The following ZNF425 variants were observed in gnomAD, a reference collection of about 807,000 sequenced individuals.
The protein encoded by ZNF425 is zinc finger protein 425.
In ZNF425, 21 loss-of-function variants were observed where a neutral mutation model predicts 17.0. That is an observed-to-expected ratio of 1.23 (90% CI 0.88 to 1.78). ZNF425 has a LOEUF of 1.78. Ranked by LOEUF, ZNF425 falls within the 40% of genes most tolerant of loss-of-function variation. The pLI is 0.00. For synonymous variants in ZNF425, 433 were observed against 384.1 expected (o/e 1.13, Z -1.49); for missense variants, 868 against 967.3 (o/e 0.90, Z 1.36).
At chr7:149,105,837 A>G (rs955007721) in intron 3 of ZNF425, among the ~76,000 whole-genome samples, 1 of 151,360 alleles carries the variant, frequency 6.6e-6, no homozygotes, top group Admixed American at 6.6e-5. Context: ...TTTTTAGTAG[A>G]GACGGGGTTT....
intron 3 of ZNF425, among the ~76,000 whole-genome samples, chr7:149,111,172 A>C (rs1826168572): frequency 6.6e-6 from 1 of 151,464 alleles, no homozygotes; most frequent in Non-Finnish European, 1.5e-5. Context: ...TCACCACACC[A>C]GGCATGGTGG....
At position 149,103,520 on chromosome 7, in the gene ZNF425, A is replaced by G. The variant is rs1027216273; in HGVS notation, c.*92T>C. 2 of 1,460,688 alleles carry G rather than the reference A, an allele frequency of 1.4e-6. No homozygotes were observed. The highest frequency in any genetic ancestry group is 2.8e-5 in the African/African-American group (2 of 70,488). 90.5% of individuals were successfully genotyped at this position (1,460,688 alleles called of 1,614,324 possible). A position where few individuals can be genotyped will look rare whatever the true frequency, so the allele number is the denominator to read the frequency against. ...GGCGGGAGCCACTGTGCCCGATCTT[A>G]CCCTGTGAATCCTTCAACCTGCCTC... On this transcript the variant is annotated 3_prime_UTR_variant, in exon 4 of 4. Coordinates refer to ENST00000378061, the MANE Select transcript of ZNF425 (RefSeq NM_001001661.3).
At chr7:149,106,071 C>T (rs1474251778) in intron 3 of ZNF425, among the ~76,000 whole-genome samples, 2 of 150,888 alleles carry the variant, frequency 1.3e-5, no homozygotes, top group African/African-American at 4.9e-5. Flanking sequence ...TTCTCTGCCT[C>T]AGCCTCCTGA....
In ZNF425 at chr7:149,104,211, A is replaced by G; in HGVS notation, c.1660T>C (p.Phe554Leu). ...HTRLHSGEEPFQCPECDKSFS... is the reference protein window; with the variant it reads ...HTRLHSGEEPLQCPECDKSFS... ...CTCTTGTCGCACTCGGGACACTGGA[A>G]GGGCTCCTCGCCACTGTGAAGCCTC... The change falls in exon 4 of 4, where the codon TTC (phenylalanine) becomes CTC (leucine). Residue 554 changes from phenylalanine to leucine, a missense_variant. Coordinates refer to ENST00000378061, the MANE Select transcript of ZNF425 (RefSeq NM_001001661.3). The surrounding 1 kb of genome is among the most constrained non-coding windows in gnomAD (Gnocchi z 4.3). The G allele has an allele frequency of 6.2e-7, 1 of 1,612,680 alleles. No individual in the cohort carries two copies. The highest frequency in any genetic ancestry group is 8.5e-7 in the Non-Finnish European group (1 of 1,179,160).
At position 149,104,330 on chromosome 7, in the gene ZNF425, G is replaced by C; in HGVS notation, c.1541C>G (p.Thr514Arg). Residue 514 changes from threonine (T) to arginine (R), a missense_variant, in exon 4 of 4, where the codon ACG becomes AGG. Transcript: ENST00000378061. This position sits in a 1 kb window ranked among gnomAD's most constrained non-coding sequence, Gnocchi z 4.3. ...CGTGGTGTGGACCTTCAGGTGCTGCGTGAGCCGCGACTGCTGAGAAAAGGT... is the reference window on the plus strand; with the variant it reads ...CGTGGTGTGGACCTTCAGGTGCTGCCTGAGCCGCGACTGCTGAGAAAAGGT... ...KKTFSQQSRL[T>R]QHLKVHTTEK... is the part of the protein sequence containing the mutation. 1.9e-6 allele frequency: 3 copies of C among 1,613,218 alleles called. No individual in the cohort carries two copies. Among genetic ancestry groups the C allele is most frequent in the Non-Finnish European group, 2.5e-6 (3 of 1,179,970 alleles).
intron 2 of ZNF425, among the ~76,000 whole-genome samples, chr7:149,117,642 CTTTTTTT>C (rs869026303): frequency 3.3e-4 from 18 of 54,982 alleles, no homozygotes; most frequent in Middle Eastern, 0.015. Flanking sequence ...CTTAGTAATT[CTTTTTTT>C]TTTTTTTTTT....
At chr7:149,106,824 G>C in intron 3 of ZNF425, among the ~76,000 whole-genome samples, 1 of 151,970 alleles carries the variant, frequency 6.6e-6, no homozygotes, top group South Asian at 2.1e-4. Context: ...TATTTAAAGA[G>C]GTGGCCAGGC....
chr7:149,112,085 A>C lies in ZNF425; in HGVS notation c.304+52T>G, dbSNP rs372346100. On this transcript the variant is annotated intron_variant, in intron 3 of 3. Transcript: ENST00000378061. ...GATATCCAAAAAGAAAGATTCAGGA[A>C]ACAAGGCTAGGAAAATAAAATAATT... is the stretch of plus-strand genomic sequence containing the variant. 3.2e-6 allele frequency: 5 copies of C among 1,562,196 alleles called. No homozygotes were observed. In the African/African-American group the frequency reaches 6.8e-5, roughly 21 times the overall value.
At chr7:149,118,673 G>A in intron 1 of ZNF425, 1 of 411,450 alleles carries the variant, frequency 2.4e-6, no homozygotes. Flanking sequence ...AAATTAGCTG[G>A]GCGTGATGGC....
chr7:149,124,083 G>A (rs1412353802), intron 1 of ZNF425, among the ~76,000 whole-genome samples: 27 of 130,766 alleles, frequency 2.1e-4, no homozygotes, highest in Middle Eastern at 0.014. Flanking sequence ...TCCTGACCTC[G>A]TGATCCGCCC....
At chr7:149,119,519 C>T (rs1010710079) in intron 1 of ZNF425, among the ~76,000 whole-genome samples, 5 of 152,154 alleles carry the variant, frequency 3.3e-5, no homozygotes, top group African/African-American at 1.2e-4. Flanking sequence ...TCTGTTATTT[C>T]ATCGCATATG....
At chr7:149,124,177 G>A (rs975052099) in intron 1 of ZNF425, among the ~76,000 whole-genome samples, 6 of 146,956 alleles carry the variant, frequency 4.1e-5, no homozygotes, top group Non-Finnish European at 1.5e-5. Flanking sequence ...TTATTTTTGA[G>A]ATGGAGTCCC....
intron 3 of ZNF425, among the ~76,000 whole-genome samples, chr7:149,110,518 A>G (rs1826157344): frequency 6.6e-6 from 1 of 150,948 alleles, no homozygotes; most frequent in South Asian, 2.1e-4. Flanking sequence ...GTGAGCCCAC[A>G]CGGTGCCACT....
At chr7:149,112,656 A>T (rs1826192873) in intron 2 of ZNF425, among the ~76,000 whole-genome samples, 1 of 151,994 alleles carries the variant, frequency 6.6e-6, no homozygotes, top group Non-Finnish European at 1.5e-5. Flanking sequence ...TTTAAAAATT[A>T]TTATCATTAT....
Position 149,104,467 on chromosome 7 carries a change from CT to C in ZNF425, c.1403del (p.Lys468SerfsTer50). On this transcript the variant is annotated frameshift_variant, in exon 4 of 4. Transcript: ENST00000378061. LOFTEE classifies it low-confidence loss of function (END_TRUNC). The surrounding 1 kb of genome is among the most constrained non-coding windows in gnomAD (Gnocchi z 4.3). ...TGCCGCACTCGGCGCAGGGGAAGGG[CT>C]TTTGCTCGCTGTGCAGGCGCTGGTG... Reference protein sequence around the residue: ...RAHQRLHSEQKPFPCAECGKR... With the variant: ...RAHQRLHSEQXPFPCAECGKR... 6.3e-7 allele frequency: 1 copy of C among 1,598,990 alleles called. No individual in the cohort carries two copies. Among genetic ancestry groups the C allele is most frequent in the Non-Finnish European group, 8.5e-7 (1 of 1,173,852 alleles).
At chr7:149,123,004 G>A (rs1021881498) in intron 1 of ZNF425, among the ~76,000 whole-genome samples, 5 of 152,128 alleles carry the variant, frequency 3.3e-5, no homozygotes, top group African/African-American at 1.2e-4. Flanking sequence ...CCTGGGATGT[G>A]TCATTTTCTT....
chr7:149,110,272 A>G (rs1826152273), intron 3 of ZNF425, among the ~76,000 whole-genome samples: 1 of 151,716 alleles, frequency 6.6e-6, no homozygotes, highest in Non-Finnish European at 1.5e-5. Flanking sequence ...GAACCTAGAA[A>G]AGCATTTGTG....
chr7:149,107,960 G>A lies in ZNF425; in HGVS notation c.305-2394C>T, dbSNP rs572964005. On this transcript the variant is annotated intron_variant, in intron 3 of 3. Coordinates refer to ENST00000378061, the MANE Select transcript of ZNF425 (RefSeq NM_001001661.3). The stretch of plus-strand genomic sequence containing the variant: ...ATTTCACTGCAGCCTTGACCTCCAG[G>A]GCTCAAGTGATCCTCCAACGTTAGC... 3.5e-4 allele frequency among the ~76,000 whole-genome samples: 53 copies of A among 151,720 alleles called. 1 individual carries two copies. The highest frequency in any genetic ancestry group is 6.2e-4 in the South Asian group (3 of 4,810).
At position 149,105,332 on chromosome 7, in the gene ZNF425, C is replaced by A. The variant is rs1477895744; in HGVS notation, c.539G>T (p.Arg180Leu). Residue 180 changes from arginine (R) to leucine (L), a missense_variant, in exon 4 of 4, where the codon CGC becomes CTC. Physicochemically the swap from Arg to Leu is moderately radical, Grantham distance 102. Transcript: ENST00000378061. ...TCTTGGCCCTGTGGGAATTTCTAAG[C>A]GCCCTGGGGTCTCCCGAGGCTTATG... ...LRHKPRETPGRLEIPTGPRCY... is the reference protein window; with the variant it reads ...LRHKPRETPGLLEIPTGPRCY... 1 of 1,614,108 alleles carries A rather than the reference C, an allele frequency of 6.2e-7. No individual in the cohort carries two copies. Among genetic ancestry groups the A allele is most frequent in the Non-Finnish European group, 8.5e-7 (1 of 1,179,998 alleles).
Sources: allele counts gnomAD v4.1 joint callset (sites outside exome capture counted in the v4.1 genomes callset), GRCh38; gene constraint gnomAD v4.1.1; non-coding constraint Gnocchi (gnomAD v3.1); transcripts MANE v1.5; gene names NCBI Gene and HGNC (gene_info 2026-07-23, HGNC 2026-07-21).